SPRED1: variants seen among roughly 807,000 people sequenced by gnomAD.
The protein encoded by SPRED1 is sprouty related EVH1 domain containing 1.
SPRED1 carries 18 observed loss-of-function variants against 52.3 expected under a neutral mutation model. The ratio of observed to expected loss-of-function variants is 0.34; its 90% CI spans 0.24 to 0.51. The LOEUF is 0.51. SPRED1 is among the 20% of genes least tolerant of loss of function. The pLI, the probability that SPRED1 is intolerant of heterozygous loss-of-function variation, is 0.97. For synonymous variants in SPRED1, 155 were observed against 179.7 expected (o/e 0.86, Z 1.10); for missense variants, 485 against 551.0 (o/e 0.88, Z 1.20).
At chr15:38,309,909 T>C (rs72711720) in intron 2 of SPRED1, among the ~76,000 whole-genome samples, 13,823 of 152,224 alleles carry the variant, frequency 0.091, 758 homozygotes, top group East Asian at 0.21. Context: ...CATATTTGTG[T>C]TCTTTATTAT....
chr15:38,274,242 A>G (rs2056507), intron 1 of SPRED1, among the ~76,000 whole-genome samples: 122,924 of 152,124 alleles, frequency 0.81, 50,838 homozygotes, highest in Non-Finnish European at 0.9. Flanking sequence ...TTTAGAACCA[A>G]AATTCTACAT....
chr15:38,284,758 G>A (rs1335669129), intron 1 of SPRED1, among the ~76,000 whole-genome samples: 1 of 150,990 alleles, frequency 6.6e-6, no homozygotes, highest in African/African-American at 2.4e-5. Flanking sequence ...GATGTTCCTT[G>A]TTGTTATCAC....
intron 1 of SPRED1, among the ~76,000 whole-genome samples, chr15:38,280,108 T>TA (rs1894655905): frequency 6.6e-6 from 1 of 152,188 alleles, no homozygotes; most frequent in Non-Finnish European, 1.5e-5. Context: ...TTGCCCCTGG[T>TA]AACCCCAGTG....
intron 2 of SPRED1, among the ~76,000 whole-genome samples, chr15:38,309,214 C>T (rs936999627): frequency 2.6e-5 from 4 of 152,216 alleles, no homozygotes; most frequent in African/African-American, 7.2e-5. Context: ...GATCTTGGCT[C>T]GCTACAACCT....
chr15:38,284,816 G>T (rs112419445), intron 1 of SPRED1, among the ~76,000 whole-genome samples: 1 of 149,478 alleles, frequency 6.7e-6, no homozygotes. Context: ...CTCCACTCCT[G>T]TGGTTTTTAA....
chr15:38,304,100 T>C (rs1410103703), intron 2 of SPRED1, among the ~76,000 whole-genome samples: 2 of 152,200 alleles, frequency 1.3e-5, no homozygotes, highest in Non-Finnish European at 2.9e-5. Flanking sequence ...TAAAACGAAA[T>C]TAGAATATTT....
At chr15:38,269,485 G>T (rs1894384792) in intron 1 of SPRED1, among the ~76,000 whole-genome samples, 1 of 152,094 alleles carries the variant, frequency 6.6e-6, no homozygotes, top group African/African-American at 2.4e-5. Context: ...GAGCTCAAGT[G>T]GTCCTCCCAC....
chr15:38,311,009 A>G lies in SPRED1; in HGVS notation c.208-11232A>G, dbSNP rs562077476. Among the ~76,000 whole-genome samples, 622 of 152,286 alleles carry G rather than the reference A, an allele frequency of 4.1e-3. 2 individuals are homozygous for G. The highest frequency in any genetic ancestry group is 5.7e-3 in the Non-Finnish European group (389 of 68,028). ...ATGGAATACAATGGTAGTAGAGTAC[A>G]TCCTTGCCTTGTTTCAGATATTAAC... On this transcript the variant is annotated intron_variant, in intron 2 of 6. Transcript: ENST00000299084.
chr15:38,315,584 C>T (rs1895460711), intron 2 of SPRED1, among the ~76,000 whole-genome samples: 1 of 140,992 alleles, frequency 7.1e-6, no homozygotes, highest in Non-Finnish European at 1.6e-5. Context: ...CCCCTTTTTT[C>T]CCCCTCTGTA....
Position 38,349,473 on chromosome 15 carries a change from G to A in SPRED1, c.634G>A (p.Val212Ile), listed in dbSNP as rs769630742. 66 of 1,612,502 alleles carry A rather than the reference G, an allele frequency of 4.1e-5. No individual in the cohort carries two copies. The East Asian group carries it at 8.3e-4, about 20-fold the overall frequency. Reference sequence around the variant, plus strand: ...CATTCAGAGCAGAAGTATGGAATACGTACAGCGGCAAATATCCAAGGAATG... The same window carrying A: ...CATTCAGAGCAGAAGTATGGAATACATACAGCGGCAAATATCCAAGGAATG... The part of the protein sequence containing the change: ...LDIQSRSMEY[V>I]QRQISKECGS... Residue 212 changes from valine to isoleucine, a missense_variant, in exon 6 of 7, where the codon GTA (valine) becomes ATA (isoleucine). Val to Ile is a conservative substitution (Grantham distance 29, BLOSUM62 3). Coordinates refer to ENST00000299084, the MANE Select transcript of SPRED1 (RefSeq NM_152594.3).
chr15:38,269,754 A>T (rs1028058916), intron 1 of SPRED1, among the ~76,000 whole-genome samples: 1 of 152,126 alleles, frequency 6.6e-6, no homozygotes, highest in African/African-American at 2.4e-5. Context: ...GGTATCCACT[A>T]TGGTAGCTAC....
chr15:38,327,017 TA>T (rs1895719920), intron 4 of SPRED1, among the ~76,000 whole-genome samples: 1 of 152,208 alleles, frequency 6.6e-6, no homozygotes. Flanking sequence ...ACATGGCAGT[TA>T]CCCTCTGCCT....
intron 5 of SPRED1, 47 bp from the exon 6 acceptor site, chr15:38,349,375 A>G (rs1297150228): frequency 7.0e-7 from 1 of 1,428,020 alleles, no homozygotes; most frequent in African/African-American, 1.4e-5. Context: ...AGTTTCATTA[A>G]AAGTAAAATT....
At chr15:38,342,510 C>G (rs1429927135) in intron 5 of SPRED1, among the ~76,000 whole-genome samples, 1 of 151,998 alleles carries the variant, frequency 6.6e-6, no homozygotes, top group African/African-American at 2.4e-5. Context: ...ATGTATTATA[C>G]TTCCATCTAG....
At chr15:38,300,365 T>C (rs1320149344) in intron 2 of SPRED1, among the ~76,000 whole-genome samples, 1 of 152,176 alleles carries the variant, frequency 6.6e-6, no homozygotes, top group African/African-American at 2.4e-5. Context: ...AGTCCCAAAA[T>C]AGAGCCTTGA....
chr15:38,254,203 A>C (rs1389818547), intron 1 of SPRED1, among the ~76,000 whole-genome samples: 1 of 152,228 alleles, frequency 6.6e-6, no homozygotes, highest in Non-Finnish European at 1.5e-5. Context: ...GAAAGAGTTA[A>C]GTGAGTTAGG....
At position 38,349,643 on chromosome 15, in the gene SPRED1, A is replaced by G. The variant is rs1566876226; in HGVS notation, c.684+120A>G. 1.7e-5 allele frequency: 13 copies of G among 747,242 alleles called. No individual in the cohort carries two copies. In the South Asian group the frequency reaches 2.0e-4, roughly 12 times the overall value. 46.3% of individuals were successfully genotyped at this position (747,242 alleles called of 1,614,324 possible). A position where few individuals can be genotyped will look rare whatever the true frequency, so the allele number is the denominator to read the frequency against. ...TGTACTAGAAAATTTTTCATTGTAT[A>G]AATTTGCTGCCTATGTGCTTAAACG... On this transcript the variant is annotated intron_variant, in intron 6 of 6. Transcript: ENST00000299084.
intron 1 of SPRED1, among the ~76,000 whole-genome samples, chr15:38,294,678 C>T (rs979669763): frequency 1.2e-4 from 18 of 152,060 alleles, no homozygotes; most frequent in Non-Finnish European, 2.9e-5. Flanking sequence ...TAAGAACAGT[C>T]GACCAAAACA....
intron 1 of SPRED1, among the ~76,000 whole-genome samples, chr15:38,264,386 T>G (rs1464894060): frequency 6.6e-6 from 1 of 152,194 alleles, no homozygotes; most frequent in Non-Finnish European, 1.5e-5. Context: ...CTGATAGCTG[T>G]TTTGAAGAAC....
Sources: gnomAD v4.1 joint callset for allele counts (sites outside exome capture counted in the v4.1 genomes callset) on GRCh38, gnomAD v4.1.1 for gene constraint, MANE v1.5 for transcripts, NCBI Gene and HGNC (gene_info 2026-07-23, HGNC 2026-07-21) for gene names.